EEF2KMT: variants seen among roughly 807,000 people sequenced by gnomAD.
EEF2KMT encodes the protein protein-lysine N-methyltransferase EEF2KMT.
Under a neutral mutation model 35.1 loss-of-function variants are expected in EEF2KMT, and 30 were observed. That is an observed-to-expected ratio of 0.85 (90% confidence interval 0.64 to 1.16). EEF2KMT has a LOEUF of 1.16. Among genes scored for constraint, EEF2KMT ranks in the 50% most tolerant of loss-of-function variants. The pLI is 0.00. For synonymous variants in EEF2KMT, 190 were observed against 187.7 expected, an observed-to-expected ratio of 1.01 and a Z score of -0.10; for missense variants, 499 against 438.2, an observed-to-expected ratio of 1.14 and a Z score of -1.24.
intron 7 of EEF2KMT, among the ~76,000 whole-genome samples, chr16:5,088,422 G>A (rs62036249): frequency 0.21 from 31,506 of 152,160 alleles, 4,186 homozygotes; most frequent in Admixed American, 0.3. Context: ...GCTGCCAGGA[G>A]GGGCTGTGCT....
chr16:5,090,019 G>C lies in EEF2KMT; in HGVS notation c.742+65C>G. The C allele has an allele frequency of 6.3e-7, 1 of 1,593,730 alleles. No individual in the cohort carries two copies. Among genetic ancestry groups the C allele is most frequent in the East Asian group, 2.2e-5 (1 of 44,686 alleles). On this transcript the variant is annotated intron_variant, in intron 6 of 7. Transcript: ENST00000427587. This position sits in a 1 kb window ranked among gnomAD's most constrained non-coding sequence, Gnocchi z 4.1. ...CAGCGTCCATTGTTCCCTTTTCCCA[G>C]AGCCAAGAGCTGGGTAGAGCTGCAA... is the stretch of plus-strand genomic sequence containing the variant.
rs1159482500 is a variant in EEF2KMT at position 5,089,966 on chromosome 16, C to G, written c.742+118G>C. Reference sequence around the variant, plus strand: ...ACCCTGGAGGCCCAGAGTAACTCTTCTGGAAGCCCCATCATGTCCATGCCC... The same window carrying G: ...ACCCTGGAGGCCCAGAGTAACTCTTGTGGAAGCCCCATCATGTCCATGCCC... On this transcript the variant is annotated intron_variant, in intron 6 of 7. Coordinates refer to ENST00000427587, the MANE Select transcript of EEF2KMT (RefSeq NM_201400.4). 6.7e-6 allele frequency: 10 copies of G among 1,499,500 alleles called. No homozygotes were observed. The East Asian group carries it at 1.7e-4, about 26-fold the overall frequency. The allele number at this position is 1,499,500 out of a possible 1,614,324, so 92.9% of individuals were successfully genotyped here. A position where few individuals can be genotyped will look rare whatever the true frequency, so the allele number is the denominator to read the frequency against.
intron 4 of EEF2KMT, 97 bp downstream of exon 4, chr16:5,091,697 G>C: frequency 6.4e-7 from 1 of 1,561,508 alleles, no homozygotes; most frequent in East Asian, 2.3e-5. Flanking sequence ...ACTGTAGAAT[G>C]GGTGAGTCAG....
At chr16:5,088,289 G>A (rs1047469862) in intron 7 of EEF2KMT, among the ~76,000 whole-genome samples, 3 of 152,172 alleles carry the variant, frequency 2.0e-5, no homozygotes, top group South Asian at 2.1e-4. Context: ...AACCCAGTAC[G>A]TCTTCGTGTG....
At chr16:5,089,638 G>C (rs535722773) in intron 6 of EEF2KMT, among the ~76,000 whole-genome samples, 1 of 152,142 alleles carries the variant, frequency 6.6e-6, no homozygotes, top group African/African-American at 2.4e-5. Context: ...GGCCACCGCT[G>C]GACCTGTGGG....
At chr16:5,085,874 C>T (rs1892787512) in intron 7 of EEF2KMT, 142 bp from the exon 8 acceptor site, 13 of 712,088 alleles carry the variant, frequency 1.8e-5, no homozygotes, top group Non-Finnish European at 3.1e-5. Context: ...CCCAGGCCCA[C>T]CCAGGTGCCT....
intron 7 of EEF2KMT, among the ~76,000 whole-genome samples, chr16:5,088,525 A>G (rs1341648910): frequency 6.6e-6 from 1 of 151,628 alleles, no homozygotes; most frequent in East Asian, 1.9e-4. Context: ...AGTCTGCGGG[A>G]GCTCGGGGGT....
Position 5,093,565 on chromosome 16 carries a change from C to G in EEF2KMT, c.160-1G>C. On this transcript the variant is annotated splice_acceptor_variant, in intron 2 of 7. Transcript: ENST00000427587. LOFTEE classifies it high-confidence loss of function. ...TCACACACACAGGATGCTTCACAGT[C>G]TACGGCAAAGGACAGAACGTTGGTT... is the stretch of plus-strand genomic sequence containing the variant. 1 of 1,612,022 alleles carries G rather than the reference C, an allele frequency of 6.2e-7. No homozygotes were observed. Among genetic ancestry groups the G allele is most frequent in the Non-Finnish European group, 8.5e-7 (1 of 1,179,848 alleles).
chr16:5,088,491 G>A (rs144692347), intron 7 of EEF2KMT, among the ~76,000 whole-genome samples: 2,169 of 152,246 alleles, frequency 0.014, 23 homozygotes, highest in East Asian at 0.032. Context: ...GTGTGGAGGC[G>A]TGAGAGCCAG....
At position 5,097,308 on chromosome 16, in the gene EEF2KMT, G is replaced by A. The variant is rs554446969; in HGVS notation, c.96+336C>T. 8 of 1,361,034 alleles carry A rather than the reference G, an allele frequency of 5.9e-6. No homozygotes were observed. The East Asian group carries it at 2.4e-4, about 42-fold the overall frequency. 84.3% of individuals were successfully genotyped at this position (1,361,034 alleles called of 1,614,324 possible). A position where few individuals can be genotyped will look rare whatever the true frequency, so the allele number is the denominator to read the frequency against. Reference sequence around the variant, plus strand: ...CGGTCCTGACGGCGCTGACTTTTTAGAATGGGCGAGGGCAGCTGTGTCCCA... The same window carrying A: ...CGGTCCTGACGGCGCTGACTTTTTAAAATGGGCGAGGGCAGCTGTGTCCCA... On this transcript the variant is annotated intron_variant, in intron 1 of 7. Transcript: ENST00000427587.
intron 3 of EEF2KMT, among the ~76,000 whole-genome samples, 184 bp downstream of exon 3, chr16:5,093,300 G>T (rs1360649347): frequency 6.6e-6 from 1 of 152,222 alleles, no homozygotes; most frequent in Non-Finnish European, 1.5e-5. Context: ...AGAGATGCTG[G>T]CCTCCCCTTC....
chr16:5,092,034 T>TC, intron 3 of EEF2KMT, 139 bp from the exon 4 acceptor site: 1 of 1,490,286 alleles, frequency 6.7e-7, no homozygotes, highest in Non-Finnish European at 9.0e-7. Flanking sequence ...AATATTCACT[T>TC]CGTTGGGCTT....
At chr16:5,085,782 C>T (rs762304211) in intron 7 of EEF2KMT, 50 bp from the exon 8 acceptor site, 12 of 1,403,066 alleles carry the variant, frequency 8.6e-6, no homozygotes, top group East Asian at 2.3e-5. Context: ...GGGGACAGGA[C>T]ATGAGGGTAT....
At position 5,097,525 on chromosome 16, in the gene EEF2KMT, G is replaced by A. The variant is rs1463370189; in HGVS notation, c.96+119C>T. The A allele has an allele frequency of 1.6e-5, 24 of 1,485,718 alleles. No homozygotes were observed. In the East Asian group the frequency reaches 2.8e-4, roughly 17 times the overall value. 92.0% of individuals were successfully genotyped at this position (1,485,718 alleles called of 1,614,324 possible). A position where few individuals can be genotyped will look rare whatever the true frequency, so the allele number is the denominator to read the frequency against. Reference sequence around the variant, plus strand: ...GGGACCGGGTCGCGCGGCCCTGACCGGCGGGAGCCCAGGAACTCACGTGGC... The same window carrying A: ...GGGACCGGGTCGCGCGGCCCTGACCAGCGGGAGCCCAGGAACTCACGTGGC... On this transcript the variant is annotated intron_variant, in intron 1 of 7. Coordinates refer to ENST00000427587, the MANE Select transcript of EEF2KMT (RefSeq NM_201400.4).
rs552414873 is a variant in EEF2KMT, at chr16:5,090,094, G to A, written c.732C>T (p.Val244=). 5.2e-5 allele frequency: 83 copies of A among 1,605,644 alleles called. No homozygotes were observed. The African/African-American group carries it at 9.6e-4, about 19-fold the overall frequency. Residue 244 remains valine, a synonymous_variant, in exon 6 of 8, where the codon GTC becomes GTT. Coordinates refer to ENST00000427587, the MANE Select transcript of EEF2KMT (RefSeq NM_201400.4). The surrounding 1 kb of genome is among the most constrained non-coding windows in gnomAD (Gnocchi z 4.1). Reference sequence around the variant, plus strand: ...GGGGCTGGGCATTACCTGCTGCAATGACAACATCTGGCTGGAAGGCAGAGA... The same window carrying A: ...GGGGCTGGGCATTACCTGCTGCAATAACAACATCTGGCTGGAAGGCAGAGA... The part of the protein sequence containing the change: ...HQLSAFQPDV[V]IAADVLYCPE...
At position 5,084,519 on chromosome 16, in the gene EEF2KMT, C is replaced by T. The variant is rs1411245963; in HGVS notation, c.*1113G>A. The stretch of plus-strand genomic sequence containing the variant: ...CAGCACGTAGAGGCCGGGAGGTGCT[C>T]CAGGGCACCAAGTGTGGGAAAGTGG... On this transcript the variant is annotated 3_prime_UTR_variant, in exon 8 of 8. Coordinates refer to ENST00000427587, the MANE Select transcript of EEF2KMT (RefSeq NM_201400.4). 7 of 705,376 alleles carry T rather than the reference C, an allele frequency of 9.9e-6. No homozygotes were observed. The highest frequency in any genetic ancestry group is 3.9e-4 in the Middle Eastern group (1 of 2,546). The allele number at this position is 705,376 out of a possible 1,614,324, so 43.7% of individuals were successfully genotyped here. A position where few individuals can be genotyped will look rare whatever the true frequency, so the allele number is the denominator to read the frequency against.
chr16:5,095,764 A>C (rs1246901944), intron 1 of EEF2KMT, among the ~76,000 whole-genome samples: 2 of 148,278 alleles, frequency 1.3e-5, no homozygotes, highest in Non-Finnish European at 3.0e-5. Flanking sequence ...GTCATGGGCC[A>C]GCTCCCTGGT....
At position 5,087,932 on chromosome 16, in the gene EEF2KMT, TTTTTA is replaced by T. The variant is rs1455645140; in HGVS notation, c.892+1170_892+1174del. On this transcript the variant is annotated intron_variant, in intron 7 of 7. Transcript: ENST00000427587. Reference sequence around the variant, plus strand: ...TCTGAAGAAAGACTTCCTTTTTTTTTTTTTATTTTTTATTTCTTTGCTTTTTTGAG... The same window carrying T: ...TCTGAAGAAAGACTTCCTTTTTTTTTTTTTTTATTTCTTTGCTTTTTTGAG... 2.1e-3 allele frequency among the ~76,000 whole-genome samples: 49 copies of T among 23,040 alleles called. No homozygotes were observed. In the East Asian group the frequency reaches 0.34, roughly 162 times the overall value. 15.1% of individuals were successfully genotyped at this position (23,040 alleles called of 152,430 possible). A position where few individuals can be genotyped will look rare whatever the true frequency, so the allele number is the denominator to read the frequency against.
At position 5,084,774 on chromosome 16, in the gene EEF2KMT, C is replaced by T. The variant is rs376032057; in HGVS notation, c.*858G>A. 5 of 1,596,448 alleles carry T rather than the reference C, an allele frequency of 3.1e-6. No homozygotes were observed. The highest frequency in any genetic ancestry group is 4.2e-6 in the Non-Finnish European group (5 of 1,179,784). ...GATGCTTTTCTCAAACTTTCCTGAT[C>T]CTGCGGGCAAGCTAAACCAGTTCCG... is the stretch of plus-strand genomic sequence containing the variant. On this transcript the variant is annotated 3_prime_UTR_variant, in exon 8 of 8. Transcript: ENST00000427587.
Sources: allele counts gnomAD v4.1 joint callset (sites outside exome capture counted in the v4.1 genomes callset), GRCh38; gene constraint gnomAD v4.1.1; non-coding constraint Gnocchi (gnomAD v3.1); transcripts MANE v1.5; gene names NCBI Gene and HGNC (gene_info 2026-07-23, HGNC 2026-07-21).